Variants in AK8 observed in about 807,000 individuals in gnomAD.
AK8 encodes the protein adenylate kinase 8.
AK8 carries 44 observed loss-of-function variants against 54.6 expected under a neutral mutation model. The ratio of observed to expected loss-of-function variants is 0.81; its 90% CI spans 0.63 to 1.04. The LOEUF (loss-of-function observed/expected upper bound fraction) is 1.04, where lower values mean the gene tolerates loss of function less well. Among genes scored for constraint, AK8 ranks in the 50% least tolerant of loss-of-function variants. The probability of loss-of-function intolerance (pLI) is 0.00; values close to 1 mark genes in which losing one functional copy is unlikely to be tolerated. For synonymous variants in AK8, 239 were observed against 245.6 expected, an observed-to-expected ratio of 0.97 and a Z score of 0.25; for missense variants, 555 against 613.6, an observed-to-expected ratio of 0.90 and a Z score of 1.01.
intron 10 of AK8, among the ~76,000 whole-genome samples, chr9:132,798,838 C>A (rs141247323): frequency 7.2e-5 from 11 of 152,248 alleles, no homozygotes; most frequent in African/African-American, 2.2e-4. Context: ...TCCATGGTGG[C>A]AAGTGGGATG....
rs995096151 is a variant in AK8 at position 132,775,448 on chromosome 9, G to A, written c.1121+17186C>T. ...CTCCCAAGTAGCTGGAATTACAGGCGTGCACCACCATGCCCGGCTAATTTT... is the reference window on the plus strand; with the variant it reads ...CTCCCAAGTAGCTGGAATTACAGGCATGCACCACCATGCCCGGCTAATTTT... On this transcript the variant is annotated intron_variant, in intron 11 of 12. Transcript: ENST00000298545. 3.3e-5 allele frequency among the ~76,000 whole-genome samples: 5 copies of A among 151,928 alleles called. No individual in the cohort carries two copies. The East Asian group carries it at 5.8e-4, about 18-fold the overall frequency.
chr9:132,875,262 T>C (rs1844043024), intron 1 of AK8, 63 bp from the exon 2 acceptor site: 2 of 1,594,868 alleles, frequency 1.3e-6, no homozygotes. Context: ...TCACCACAGA[T>C]ACCAGCTATG....
chr9:132,867,841 G>A (rs1452312595), intron 2 of AK8, among the ~76,000 whole-genome samples: 1 of 152,218 alleles, frequency 6.6e-6, no homozygotes, highest in Non-Finnish European at 1.5e-5. Flanking sequence ...GTGGCTTTGG[G>A]GACAAGTGGT....
intron 11 of AK8, among the ~76,000 whole-genome samples, chr9:132,785,144 G>C (rs754279864): frequency 6.9e-6 from 1 of 145,760 alleles, no homozygotes; most frequent in South Asian, 2.2e-4. Flanking sequence ...TTGCTCTGTC[G>C]CCCAGGCTGG....
chr9:132,760,907 A>G (rs1419456313), intron 11 of AK8, among the ~76,000 whole-genome samples: 1 of 152,162 alleles, frequency 6.6e-6, no homozygotes, highest in Admixed American at 6.5e-5. Flanking sequence ...ATCCTTGAAT[A>G]CCCTAATACA....
chr9:132,754,133 C>A (rs575189615), intron 11 of AK8, among the ~76,000 whole-genome samples: 1 of 152,302 alleles, frequency 6.6e-6, no homozygotes, highest in South Asian at 2.1e-4. Flanking sequence ...GGGCACATGG[C>A]CGCCTAGGAT....
At chr9:132,812,228 C>CTTTTT (rs528951216) in intron 10 of AK8, among the ~76,000 whole-genome samples, 15 of 92,556 alleles carry the variant, frequency 1.6e-4, no homozygotes, top group East Asian at 3.3e-4. Context: ...GCTACTGTGG[C>CTTTTT]TTTTTTTTTT....
chr9:132,736,523 C>A lies in AK8; in HGVS notation c.1122-8989G>T, dbSNP rs561200677. Among the ~76,000 whole-genome samples the A allele has an allele frequency of 4.0e-5, 6 of 148,854 alleles. No homozygotes were observed. In the East Asian group the frequency reaches 1.3e-3, roughly 32 times the overall value. The stretch of plus-strand genomic sequence containing the variant: ...AAAAAGGAATAAAATTTGGGCTGGG[C>A]GCGGTGGCTCACACCTGTAATCCCA... On this transcript the variant is annotated intron_variant, in intron 11 of 12. Transcript: ENST00000298545.
intron 12 of AK8, among the ~76,000 whole-genome samples, chr9:132,726,356 C>A (rs1009409351): frequency 1.3e-5 from 2 of 151,526 alleles, no homozygotes; most frequent in African/African-American, 4.9e-5. Context: ...ACTCTCTTGC[C>A]CAGGCTGGAG....
At chr9:132,795,583 C>A (rs1257372318) in intron 10 of AK8, among the ~76,000 whole-genome samples, 1 of 152,198 alleles carries the variant, frequency 6.6e-6, no homozygotes, top group Non-Finnish European at 1.5e-5. Flanking sequence ...GAAACCAATA[C>A]AGAAATAATC....
chr9:132,788,395 A>T (rs568171226), intron 11 of AK8, among the ~76,000 whole-genome samples: 1 of 152,312 alleles, frequency 6.6e-6, no homozygotes, highest in Admixed American at 6.5e-5. Context: ...CTCCTCTGAA[A>T]ATTGATCTTT....
chr9:132,782,781 G>T (rs140159228), intron 11 of AK8, among the ~76,000 whole-genome samples: 269 of 152,308 alleles, frequency 1.8e-3, no homozygotes, highest in African/African-American at 4.4e-3. Context: ...ACAGAGGGTG[G>T]ACACTTAGCC....
Position 132,790,986 on chromosome 9 carries a change from C to A in AK8, c.1121+1648G>T, listed in dbSNP as rs557354969. Among the ~76,000 whole-genome samples the A allele has an allele frequency of 6.6e-6, 1 of 152,112 alleles. No individual in the cohort carries two copies. The highest frequency in any genetic ancestry group is 2.1e-4 in the South Asian group (1 of 4,814). The stretch of plus-strand genomic sequence containing the variant: ...TAGAAATAAAATAAAAAATGCGAGA[C>A]CCAAGGAAGTGTTGATATTTTCACT... On this transcript the variant is annotated intron_variant, in intron 11 of 12. Transcript: ENST00000298545. The surrounding 1 kb of genome is among the most constrained non-coding windows in gnomAD (Gnocchi z 4.1).
At chr9:132,805,949 G>A (rs1395063360) in intron 10 of AK8, among the ~76,000 whole-genome samples, 3 of 151,936 alleles carry the variant, frequency 2.0e-5, no homozygotes, top group Admixed American at 2.0e-4. Context: ...ATTACAGGGG[G>A]CATCCATTAA....
At chr9:132,792,081 T>C (rs1464668145) in intron 11 of AK8, among the ~76,000 whole-genome samples, 1 of 152,222 alleles carries the variant, frequency 6.6e-6, no homozygotes, top group East Asian at 1.9e-4. Flanking sequence ...CCCCTTGCTA[T>C]TGCAAGCTCA....
chr9:132,878,401 C>A (rs1844257589), upstream of AK8: 9 of 1,241,012 alleles, frequency 7.3e-6, no homozygotes, highest in Non-Finnish European at 9.1e-6. The surrounding 1 kb of genome is among the most constrained non-coding windows in gnomAD (Gnocchi z 4.7). Context: ...GTCGCCCCCG[C>A]CCCGACCTCC....
intron 11 of AK8, among the ~76,000 whole-genome samples, chr9:132,730,113 T>G (rs1182315903): frequency 3.3e-5 from 5 of 152,270 alleles, no homozygotes; most frequent in African/African-American, 1.2e-4. Context: ...GGCCTATGGG[T>G]GCCAAGCTGA....
At position 132,781,625 on chromosome 9, in the gene AK8, T is replaced by C; in HGVS notation, c.1121+11009A>G. 6.6e-6 allele frequency among the ~76,000 whole-genome samples: 1 copy of C among 152,230 alleles called. No homozygotes were observed. Among genetic ancestry groups the C allele is most frequent in the Non-Finnish European group, 1.5e-5 (1 of 68,044 alleles). ...TGAACCTTCCTTAAAAAAAGAGCCT[T>C]TGTAGATTTTCATATCTGAATTATA... On this transcript the variant is annotated intron_variant, in intron 11 of 12. Coordinates refer to ENST00000298545, the MANE Select transcript of AK8 (RefSeq NM_152572.3). This position sits in a 1 kb window ranked among gnomAD's most constrained non-coding sequence, Gnocchi z 4.6.
chr9:132,752,399 G>A (rs553249832), intron 11 of AK8, among the ~76,000 whole-genome samples: 1,748 of 151,672 alleles, frequency 0.012, 38 homozygotes, highest in African/African-American at 0.04. Context: ...ATAGGCGCCC[G>A]CCACCACGCC....
Sources: allele counts gnomAD v4.1 joint callset (sites outside exome capture counted in the v4.1 genomes callset), GRCh38; gene constraint gnomAD v4.1.1; non-coding constraint Gnocchi (gnomAD v3.1); transcripts MANE v1.5; gene names NCBI Gene and HGNC (gene_info 2026-07-23, HGNC 2026-07-21).